Variants in SOBP observed in about 807,000 individuals in gnomAD.
The protein encoded by SOBP is sine oculis binding protein homolog, also known as sine oculis-binding protein homolog.
In SOBP, 4 loss-of-function variants were observed where a neutral mutation model predicts 53.6. The observed-to-expected ratio is 0.07, with a 90% CI of 0.04 to 0.17. The LOEUF is 0.17. SOBP is among the 10% of genes least tolerant of loss of function. SOBP has a pLI of 1.00. For missense variants in SOBP, 1,088 were observed against 1,204.7 expected, an observed-to-expected ratio of 0.90 and a Z score of 1.43; for synonymous variants, 584 against 522.6, an observed-to-expected ratio of 1.12 and a Z score of -1.60.
chr6:107,569,393 C>CAG (rs1389970200), intron 4 of SOBP, among the ~76,000 whole-genome samples: 4 of 152,156 alleles, frequency 2.6e-5, no homozygotes, highest in African/African-American at 9.7e-5. Context: ...AGAGGTTTCC[C>CAG]AGAGGGCATA....
intron 4 of SOBP, among the ~76,000 whole-genome samples, chr6:107,557,546 T>C (rs573183593): frequency 1.3e-5 from 2 of 152,356 alleles, no homozygotes; most frequent in South Asian, 4.1e-4. Context: ...TAGCTGTATA[T>C]CAGACTCGGT....
intron 5 of SOBP, among the ~76,000 whole-genome samples, chr6:107,588,597 A>T (rs1237319508): frequency 6.6e-6 from 1 of 152,230 alleles, no homozygotes; most frequent in Non-Finnish European, 1.5e-5. Flanking sequence ...TTTTGGTATC[A>T]GAATGCTTTG....
chr6:107,504,232 T>A (rs941728340), intron 2 of SOBP, among the ~76,000 whole-genome samples: 1 of 152,250 alleles, frequency 6.6e-6, no homozygotes, highest in Admixed American at 6.5e-5. Context: ...TTCCTTTTTT[T>A]CAGTGGGAAA....
intron 3 of SOBP, among the ~76,000 whole-genome samples, chr6:107,517,264 G>A (rs1029532413): frequency 6.6e-6 from 1 of 152,208 alleles, no homozygotes; most frequent in African/African-American, 2.4e-5. Flanking sequence ...AAATACCATA[G>A]ACTGGGTAGC....
At chr6:107,652,999 T>C (rs1297513710) in intron 6 of SOBP, among the ~76,000 whole-genome samples, 1 of 152,222 alleles carries the variant, frequency 6.6e-6, no homozygotes, top group Non-Finnish European at 1.5e-5. Flanking sequence ...AAAAAATGCA[T>C]GTGACTTGCT....
chr6:107,634,780 C>A lies in SOBP; in HGVS notation c.1936C>A (p.Leu646Met). 7.2e-7 allele frequency: 1 copy of A among 1,391,768 alleles called. No homozygotes were observed. Among genetic ancestry groups the A allele is most frequent in the South Asian group, 1.5e-5 (1 of 65,452 alleles). 86.2% of individuals were successfully genotyped at this position (1,391,768 alleles called of 1,614,324 possible). ...AGGQLGFPGV[L>M]QGPQDGVIDL... Reference sequence around the variant, plus strand: ...CGGCCAGCTCGGCTTCCCAGGCGTGCTGCAGGGCCCGCAGGACGGCGTCAT... The same window carrying A: ...CGGCCAGCTCGGCTTCCCAGGCGTGATGCAGGGCCCGCAGGACGGCGTCAT... Residue 646 changes from leucine (L) to methionine (M), a missense_variant, in exon 6 of 7, where the codon CTG becomes ATG. Physicochemically the swap from Leu to Met is conservative, Grantham distance 15. Around this residue, in one of 6 missense-constraint regions of SOBP, gnomAD observed 665 missense variants for 629.7 expected, o/e 1.06. Coordinates refer to ENST00000317357, the MANE Select transcript of SOBP (RefSeq NM_018013.4). This position sits in a 1 kb window ranked among gnomAD's most constrained non-coding sequence, Gnocchi z 4.5.
At chr6:107,637,973 T>C (rs1771123884) in intron 6 of SOBP, among the ~76,000 whole-genome samples, 1 of 152,142 alleles carries the variant, frequency 6.6e-6, no homozygotes, top group South Asian at 2.1e-4. Context: ...CAATGATGGG[T>C]CCCCCAAGAA....
intron 5 of SOBP, among the ~76,000 whole-genome samples, chr6:107,613,889 G>A (rs542138965): frequency 6.6e-6 from 1 of 152,284 alleles, no homozygotes; most frequent in East Asian, 1.9e-4. Context: ...GAAGAAATCT[G>A]CCTTCAAAGG....
In SOBP at chr6:107,554,451, G is replaced by A. The variant is rs79623951; in HGVS notation, c.573+20841G>A. On this transcript the variant is annotated intron_variant, in intron 4 of 6. Coordinates refer to ENST00000317357, the MANE Select transcript of SOBP (RefSeq NM_018013.4). ...GCCTGGATGCCCTGTCAGATGCAGC[G>A]TAATACTTAACAGAACTCCTTACTC... Among the ~76,000 whole-genome samples the A allele has an allele frequency of 3.4e-3, 512 of 152,306 alleles. 4 individuals are homozygous for A. The highest frequency in any genetic ancestry group is 0.012 in the African/African-American group (483 of 41,558).
At chr6:107,587,750 C>G (rs2115060825) in intron 5 of SOBP, among the ~76,000 whole-genome samples, 2 of 152,276 alleles carry the variant, frequency 1.3e-5, no homozygotes, top group Middle Eastern at 6.8e-3. Flanking sequence ...CATTGAGACT[C>G]TGTTCCAATG....
chr6:107,529,820 T>C (rs546357193), intron 3 of SOBP, among the ~76,000 whole-genome samples: 1 of 152,280 alleles, frequency 6.6e-6, no homozygotes, highest in South Asian at 2.1e-4. Context: ...TTCTGGGATG[T>C]AAAGTAGAAA....
intron 5 of SOBP, among the ~76,000 whole-genome samples, chr6:107,608,858 C>G (rs1786486179): frequency 6.6e-6 from 1 of 152,176 alleles, no homozygotes; most frequent in Non-Finnish European, 1.5e-5. Flanking sequence ...CAGATCACAT[C>G]CTGTTGGGGA....
At chr6:107,511,451 C>T (rs567957251) in intron 3 of SOBP, 1 of 152,318 alleles carries the variant, frequency 6.6e-6, no homozygotes, top group African/African-American at 2.4e-5. Flanking sequence ...TTTTACAGTT[C>T]TTGCCGTCAT....
chr6:107,552,571 G>A (rs1784489907), intron 4 of SOBP, among the ~76,000 whole-genome samples: 1 of 152,108 alleles, frequency 6.6e-6, no homozygotes, highest in South Asian at 2.1e-4. Flanking sequence ...TTGAATGGAG[G>A]GATAGACACT....
Position 107,633,709 on chromosome 6 carries a change from GGCA to G in SOBP, c.866_868del (p.Gly289_Thr290delinsAla). On this transcript the variant is annotated inframe_deletion, in exon 6 of 7. Coordinates refer to ENST00000317357, the MANE Select transcript of SOBP (RefSeq NM_018013.4). ...CCCTCCCATGGAAAATAAAGCAGAA[GGCA>G]CCGGGGTGCAGCTGCTCACTCCAGA... is the stretch of plus-strand genomic sequence containing the variant. The G allele has an allele frequency of 6.2e-7, 1 of 1,614,226 alleles. No homozygotes were observed. Among genetic ancestry groups the G allele is most frequent in the Non-Finnish European group, 8.5e-7 (1 of 1,180,038 alleles).
In SOBP at chr6:107,634,803, C is replaced by A. The variant is rs1212350344; in HGVS notation, c.1959C>A (p.Val653=). The change falls in exon 6 of 7, where the codon GTC becomes GTA. Residue 653 remains valine, a synonymous_variant. Transcript: ENST00000317357. The surrounding 1 kb of genome is among the most constrained non-coding windows in gnomAD (Gnocchi z 4.5). ...PGVLQGPQDG[V]IDLTVGHRAR... is the part of the protein sequence containing the mutation. Reference sequence around the variant, plus strand: ...TGCTGCAGGGCCCGCAGGACGGCGTCATCGACCTGACCGTGGGCCACCGAG... The same window carrying A: ...TGCTGCAGGGCCCGCAGGACGGCGTAATCGACCTGACCGTGGGCCACCGAG... The A allele has an allele frequency of 7.1e-7, 1 of 1,405,974 alleles. No individual in the cohort carries two copies. The highest frequency in any genetic ancestry group is 1.4e-5 in the South Asian group (1 of 69,864). The allele number at this position is 1,405,974 out of a possible 1,614,324, so 87.1% of individuals were successfully genotyped here.
intron 5 of SOBP, among the ~76,000 whole-genome samples, chr6:107,601,610 C>T (rs553645225): frequency 6.6e-6 from 1 of 152,328 alleles, no homozygotes; most frequent in South Asian, 2.1e-4. Flanking sequence ...CCAGTGCCTC[C>T]AGAGCCTCTC....
chr6:107,573,471 T>A (rs1243532019), intron 4 of SOBP, among the ~76,000 whole-genome samples: 2 of 152,218 alleles, frequency 1.3e-5, no homozygotes, highest in African/African-American at 4.8e-5. Flanking sequence ...CATTGTGTGA[T>A]GGATTGTCTC....
At chr6:107,543,644 GCC>G (rs1187888488) in intron 4 of SOBP, among the ~76,000 whole-genome samples, 3 of 152,154 alleles carry the variant, frequency 2.0e-5, no homozygotes, top group Non-Finnish European at 4.4e-5. Context: ...GCAAGCAAAT[GCC>G]CTCTAGAGAG....
Sources: gnomAD v4.1 joint callset for allele counts (sites outside exome capture counted in the v4.1 genomes callset) on GRCh38, gnomAD v4.1.1 for gene constraint, gnomAD v4.1.1 regional missense constraint, Gnocchi (gnomAD v3.1) non-coding constraint, MANE v1.5 for transcripts, NCBI Gene and HGNC (gene_info 2026-07-23, HGNC 2026-07-21) for gene names.